Variants in PDS5B observed in about 807,000 individuals in gnomAD.
PDS5B encodes the protein PDS5 cohesin associated factor B, also known as sister chromatid cohesion protein PDS5 homolog B.
PDS5B carries 51 observed loss-of-function variants against 184.1 expected under a neutral mutation model. The ratio of observed to expected loss-of-function variants is 0.28; its 90% CI spans 0.22 to 0.35. PDS5B has a LOEUF of 0.35. Ranked by LOEUF, PDS5B falls within the 10% of genes least tolerant of loss-of-function variation. PDS5B has a pLI of 1.00. For synonymous variants in PDS5B, 566 were observed against 569.2 expected (o/e 0.99, Z 0.08); for missense variants, 1,180 against 1,723.3 (o/e 0.68, Z 5.58).
rs192770355 is a variant in PDS5B at position 32,703,829 on chromosome 13, A to G, written c.1856+2391A>G. Among the ~76,000 whole-genome samples, 21 of 152,342 alleles carry G rather than the reference A, an allele frequency of 1.4e-4. No homozygotes were observed. In the East Asian group the frequency reaches 4.0e-3, roughly 29 times the overall value. ...TTTAAAAAAAATTTTTGTGTTTCAA[A>G]TAGAAAAGTTGAGCAATTATTAATA... On this transcript the variant is annotated intron_variant, in intron 17 of 34. Coordinates refer to ENST00000315596, the MANE Select transcript of PDS5B (RefSeq NM_015032.4).
At position 32,777,637 on chromosome 13, in the gene PDS5B, C is replaced by T. The variant is rs1455208365; in HGVS notation, c.*2585C>T. On this transcript the variant is annotated 3_prime_UTR_variant, in exon 35 of 35. Transcript: ENST00000315596. ...CAAGTTCCATTATGAAAATCTTATT[C>T]CTCAGTGAGGTTATCTTGCTGCACT... 1 of 152,138 alleles carries T rather than the reference C, an allele frequency of 6.6e-6. No individual in the cohort carries two copies. Among genetic ancestry groups the T allele is most frequent in the Non-Finnish European group, 1.5e-5 (1 of 67,780 alleles). The allele number at this position is 152,138 out of a possible 1,614,324, so 9.4% of individuals were successfully genotyped here.
intron 19 of PDS5B, among the ~76,000 whole-genome samples, chr13:32,728,871 A>T (rs558676809): frequency 3.9e-5 from 6 of 152,254 alleles, no homozygotes; most frequent in East Asian, 1.9e-4. Flanking sequence ...ATAGTTTTTT[A>T]AAAAAATGTG....
At chr13:32,687,967 T>C (rs549386034) in intron 12 of PDS5B, among the ~76,000 whole-genome samples, 1 of 152,296 alleles carries the variant, frequency 6.6e-6, no homozygotes. Flanking sequence ...TTTTATAAAA[T>C]TGAAGTTGTA....
intron 19 of PDS5B, among the ~76,000 whole-genome samples, chr13:32,721,304 G>C (rs183331064): frequency 6.7e-6 from 1 of 150,306 alleles, no homozygotes; most frequent in African/African-American, 2.4e-5. Context: ...GCTGCCGGGC[G>C]GGGGAACCCC....
At chr13:32,670,122 A>G (rs1052339870) in intron 7 of PDS5B, among the ~76,000 whole-genome samples, 16 of 142,766 alleles carry the variant, frequency 1.1e-4, no homozygotes, top group Non-Finnish European at 1.9e-4. Flanking sequence ...TCACACATAC[A>G]GACACATTCT....
At chr13:32,656,570 C>G (rs190588665) in intron 3 of PDS5B, among the ~76,000 whole-genome samples, 1 of 146,584 alleles carries the variant, frequency 6.8e-6, no homozygotes, top group East Asian at 2.0e-4. Flanking sequence ...TAGCTGTATT[C>G]CTAGGTATTT....
chr13:32,712,147 A>G (rs370350997), intron 19 of PDS5B, among the ~76,000 whole-genome samples: 9 of 152,282 alleles, frequency 5.9e-5, no homozygotes, highest in African/African-American at 2.2e-4. Context: ...GTTTTTCCCT[A>G]GTAACTTTTA....
At chr13:32,670,160 T>C (rs1317958028) in intron 7 of PDS5B, among the ~76,000 whole-genome samples, 1 of 152,058 alleles carries the variant, frequency 6.6e-6, no homozygotes, top group African/African-American at 2.4e-5. Context: ...TAGTATTTCT[T>C]ACATATCAAG....
chr13:32,716,526 G>A (rs1350888109), intron 19 of PDS5B, among the ~76,000 whole-genome samples: 2 of 152,222 alleles, frequency 1.3e-5, no homozygotes, highest in African/African-American at 2.4e-5. Context: ...TCTGGGAAGT[G>A]AGGAGTGTCT....
Position 32,758,578 on chromosome 13 carries a change from A to G in PDS5B, c.3234A>G (p.Ser1078=). The G allele has an allele frequency of 6.2e-7, 1 of 1,612,278 alleles. No individual in the cohort carries two copies. Among genetic ancestry groups the G allele is most frequent in the Non-Finnish European group, 8.5e-7 (1 of 1,178,402 alleles). Residue 1078 remains serine, a synonymous_variant, in exon 28 of 35, where the codon TCA becomes TCG. Transcript: ENST00000315596. ...ATGTTGCCATGAATATCATCATGTC[A>G]AAGAGTACTACATACAGTTTGGAAT... ...VCDVAMNIIM[S]KSTTYSLESP... is the part of the protein sequence containing the mutation.
intron 1 of PDS5B, among the ~76,000 whole-genome samples, chr13:32,647,524 C>G (rs1382979898): frequency 3.3e-5 from 5 of 152,184 alleles, no homozygotes; most frequent in Non-Finnish European, 7.3e-5. Context: ...GCTCAAAAGG[C>G]CTGCCTTGGC....
At chr13:32,696,171 A>G (rs1056683426) in intron 14 of PDS5B, among the ~76,000 whole-genome samples, 1 of 152,038 alleles carries the variant, frequency 6.6e-6, no homozygotes, top group Non-Finnish European at 1.5e-5. Context: ...TATTTATTTG[A>G]TTTATTGCTT....
At position 32,770,661 on chromosome 13, in the gene PDS5B, T is replaced by C; in HGVS notation, c.4072T>C (p.Ser1358Pro). ...VSRRAQQRAESPESSAIESTQ... is the reference protein window; with the variant it reads ...VSRRAQQRAEPPESSAIESTQ... Reference sequence around the variant, plus strand: ...GGGTCTTCCCCAAAGCAGAGCAGAATCTCCTGAATCTAGTGCAATTGAATC... The same window carrying C: ...GGGTCTTCCCCAAAGCAGAGCAGAACCTCCTGAATCTAGTGCAATTGAATC... The change falls in exon 33 of 35, where the codon TCT becomes CCT. Residue 1358 changes from serine to proline, a missense_variant. Physicochemically the swap from Ser to Pro is moderately conservative, Grantham distance 74. Transcript: ENST00000315596. 1 of 1,609,692 alleles carries C rather than the reference T, an allele frequency of 6.2e-7. No homozygotes were observed. The highest frequency in any genetic ancestry group is 8.5e-7 in the Non-Finnish European group (1 of 1,178,392).
At chr13:32,721,370 G>A (rs1011887930) in intron 19 of PDS5B, among the ~76,000 whole-genome samples, 1 of 151,746 alleles carries the variant, frequency 6.6e-6, no homozygotes, top group Non-Finnish European at 1.5e-5. Flanking sequence ...TCCCAGACGG[G>A]GTGGCTGCCG....
chr13:32,694,611 C>T (rs955024120), intron 14 of PDS5B, among the ~76,000 whole-genome samples: 1 of 151,690 alleles, frequency 6.6e-6, no homozygotes, highest in Non-Finnish European at 1.5e-5. Context: ...CATAGAAAAT[C>T]GAAAGAAATT....
At chr13:32,587,232 C>T (rs1447861314) in intron 1 of PDS5B, among the ~76,000 whole-genome samples, 1 of 151,440 alleles carries the variant, frequency 6.6e-6, no homozygotes, top group African/African-American at 2.4e-5. Flanking sequence ...ACGGGCTGAG[C>T]GTGACATTTT....
At chr13:32,691,122 C>T (rs1414601088) in intron 13 of PDS5B, 1 of 151,994 alleles carries the variant, frequency 6.6e-6, no homozygotes, top group Non-Finnish European at 1.5e-5. Flanking sequence ...TCATCTTCTC[C>T]CAGAGGTAAC....
chr13:32,610,581 G>T (rs1237335249), intron 1 of PDS5B, among the ~76,000 whole-genome samples: 3 of 151,484 alleles, frequency 2.0e-5, no homozygotes, highest in African/African-American at 7.3e-5. Flanking sequence ...TTACCAATGT[G>T]CCAATGTTAG....
At position 32,651,857 on chromosome 13, in the gene PDS5B, G is replaced by A. The variant is rs376643410; in HGVS notation, c.162G>A (p.Glu54=). 8 of 1,613,294 alleles carry A rather than the reference G, an allele frequency of 5.0e-6. No individual in the cohort carries two copies. In the Admixed American group the frequency reaches 6.7e-5, roughly 13 times the overall value. ...ACCAGGACTCTGAAGAAGAAAAGGA[G>A]CTTTATTTAAACCTAGCTTTACATC... The part of the protein sequence containing the change: ...DMDQDSEEEK[E]LYLNLALHLA... Residue 54 remains glutamate, a synonymous_variant, in exon 3 of 35, where the codon GAG becomes GAA. Coordinates refer to ENST00000315596, the MANE Select transcript of PDS5B (RefSeq NM_015032.4).
Sources: gnomAD v4.1 joint callset for allele counts (sites outside exome capture counted in the v4.1 genomes callset) on GRCh38, gnomAD v4.1.1 for gene constraint, MANE v1.5 for transcripts, NCBI Gene and HGNC (gene_info 2026-07-23, HGNC 2026-07-21) for gene names.